GLT1D1: variants seen among roughly 807,000 people sequenced by gnomAD.
GLT1D1 encodes glycosyltransferase 1 domain containing 1.
Under a neutral mutation model 28.7 loss-of-function variants are expected in GLT1D1, and 21 were observed. That is an observed-to-expected ratio of 0.73 (90% CI 0.52 to 1.05). The LOEUF is 1.05. GLT1D1 is among the 50% of genes least tolerant of loss of function. The pLI is 0.00. For synonymous variants in GLT1D1, 147 were observed against 124.8 expected (o/e 1.18, Z -1.19); for missense variants, 343 against 330.6 (o/e 1.04, Z -0.29).
chr12:128,857,703 A>G (rs1956256855), intron 1 of GLT1D1, among the ~76,000 whole-genome samples: 1 of 152,206 alleles, frequency 6.6e-6, no homozygotes, highest in Non-Finnish European at 1.5e-5. Context: ...TTGGTGAAGG[A>G]GTTCCCCAAA....
intron 4 of GLT1D1, among the ~76,000 whole-genome samples, chr12:128,900,361 T>C (rs970017317): frequency 5.3e-5 from 8 of 152,220 alleles, no homozygotes; most frequent in African/African-American, 1.4e-4. Flanking sequence ...CTTTATGGAA[T>C]TGCAATTTGC....
At chr12:128,867,397 C>CAAAAAAAAAAAAAAAAA (rs1158997935) in intron 1 of GLT1D1, among the ~76,000 whole-genome samples, 1 of 59,304 alleles carries the variant, frequency 1.7e-5, no homozygotes, top group Non-Finnish European at 3.2e-5. Flanking sequence ...AACTCCTTCT[C>CAAAAAAAAAAAAAAAAA]AAAAAAAAAA....
intron 4 of GLT1D1, among the ~76,000 whole-genome samples, chr12:128,924,553 T>A (rs1195995948): frequency 6.6e-6 from 1 of 151,640 alleles, no homozygotes; most frequent in Admixed American, 6.6e-5. Flanking sequence ...GCCTCCCGGG[T>A]TCAAGTGATT....
intron 1 of GLT1D1, among the ~76,000 whole-genome samples, chr12:128,865,592 T>C (rs999333614): frequency 2.6e-5 from 4 of 152,058 alleles, no homozygotes; most frequent in African/African-American, 4.8e-5. Context: ...GGAGGCCGAA[T>C]TGGGCAGATC....
chr12:128,904,386 C>T (rs1030078839), intron 4 of GLT1D1, among the ~76,000 whole-genome samples: 3 of 151,614 alleles, frequency 2.0e-5, no homozygotes, highest in African/African-American at 7.3e-5. Context: ...GTTCATACAA[C>T]CTAACATTTT....
At chr12:128,929,346 A>G (rs1375713176) in intron 4 of GLT1D1, among the ~76,000 whole-genome samples, 3 of 152,232 alleles carry the variant, frequency 2.0e-5, no homozygotes, top group Non-Finnish European at 4.4e-5. Flanking sequence ...AAGAGCTTGC[A>G]CTGACTCCAA....
intron 6 of GLT1D1, among the ~76,000 whole-genome samples, chr12:128,956,002 A>T (rs922115043): frequency 6.6e-6 from 1 of 151,502 alleles, no homozygotes; most frequent in African/African-American, 2.4e-5. Flanking sequence ...TACTAAAAGT[A>T]CAAAAAATTA....
chr12:128,879,415 T>TTTCTTTCTTTCTTTCTTTCTTTCC (rs1956965952), intron 2 of GLT1D1, among the ~76,000 whole-genome samples: 1 of 100,668 alleles, frequency 9.9e-6, no homozygotes, highest in Admixed American at 1.1e-4. Flanking sequence ...TCTTTCTTTC[T>TTTCTTTCTTTCTTTCTTTCTTTCC]TTCTTTCTTT....
chr12:128,930,624 G>A (rs1392696684), intron 4 of GLT1D1, among the ~76,000 whole-genome samples: 1 of 152,174 alleles, frequency 6.6e-6, no homozygotes, highest in African/African-American at 2.4e-5. Flanking sequence ...ACACTGAACT[G>A]ACGATCATCT....
intron 4 of GLT1D1, among the ~76,000 whole-genome samples, chr12:128,929,337 A>G (rs1873622462): frequency 6.6e-6 from 1 of 152,244 alleles, no homozygotes; most frequent in Non-Finnish European, 1.5e-5. Flanking sequence ...CTCATGAGAA[A>G]GAGCTTGCAC....
intron 4 of GLT1D1, among the ~76,000 whole-genome samples, chr12:128,942,739 G>GTTTTTTTTTTTTTTTTTT (rs199567989): frequency 2.9e-5 from 3 of 102,520 alleles, no homozygotes; most frequent in Admixed American, 1.1e-4. Flanking sequence ...TTCTTTGTTT[G>GTTTTTTTTTTTTTTTTTT]TTTGTTTTTG....
chr12:128,890,659 C>A (rs906334619), intron 3 of GLT1D1, among the ~76,000 whole-genome samples: 1 of 151,504 alleles, frequency 6.6e-6, no homozygotes, highest in Non-Finnish European at 1.5e-5. Context: ...GTGGTGGGTA[C>A]CTGTAATTCC....
chr12:128,916,241 A>G (rs147237016), intron 4 of GLT1D1, among the ~76,000 whole-genome samples: 25 of 152,294 alleles, frequency 1.6e-4, no homozygotes, highest in African/African-American at 5.8e-4. Context: ...TTCATTCCAT[A>G]TATCACAAAT....
At chr12:128,947,307 T>C (rs1404983374) in intron 5 of GLT1D1, 31 bp from the exon 10 acceptor site, 1 of 1,613,030 alleles carries the variant, frequency 6.2e-7, no homozygotes, top group Non-Finnish European at 8.5e-7. Flanking sequence ...ATTCTTGGAA[T>C]CAGAGCCACT....
chr12:128,984,613 G>C lies in GLT1D1; in HGVS notation c.*1523G>C, dbSNP rs925113084. 2 of 152,066 alleles carry C rather than the reference G, an allele frequency of 1.3e-5. No individual in the cohort carries two copies. The highest frequency in any genetic ancestry group is 4.8e-5 in the African/African-American group (2 of 41,390). 9.4% of individuals were successfully genotyped at this position (152,066 alleles called of 1,614,324 possible). A position where few individuals can be genotyped will look rare whatever the true frequency, so the allele number is the denominator to read the frequency against. On this transcript the variant is annotated 3_prime_UTR_variant, in exon 8 of 8. Coordinates refer to ENST00000281703, the MANE Select transcript of GLT1D1 (RefSeq NM_144669.3). ...GCACCCCTTGTGTTTTCCCTCTGAG[G>C]GGCCCAAGGGTTATGGCTTTCATGT... is the stretch of plus-strand genomic sequence containing the variant.
chr12:128,927,320 C>G (rs1265519626), intron 4 of GLT1D1, among the ~76,000 whole-genome samples, 166 bp downstream of exon 8: 2 of 152,034 alleles, frequency 1.3e-5, no homozygotes, highest in Non-Finnish European at 2.9e-5. Flanking sequence ...CTCACTGCAA[C>G]CTCTACCTCC....
chr12:128,878,004 C>T (rs1468524456), intron 2 of GLT1D1, among the ~76,000 whole-genome samples: 1 of 152,216 alleles, frequency 6.6e-6, no homozygotes, highest in Non-Finnish European at 1.5e-5. Flanking sequence ...TGATGGCCAG[C>T]TTCTCCCTGA....
intron 4 of GLT1D1, among the ~76,000 whole-genome samples, chr12:128,912,182 C>T (rs989538793): frequency 6.6e-6 from 1 of 152,086 alleles, no homozygotes; most frequent in Non-Finnish European, 1.5e-5. Flanking sequence ...ATTTAAGAGA[C>T]TTTTTGTGTG....
chr12:128,888,440 C>G (rs1868642784), intron 2 of GLT1D1, among the ~76,000 whole-genome samples, 199 bp from the exon 3 acceptor site: 1 of 152,140 alleles, frequency 6.6e-6, no homozygotes, highest in Non-Finnish European at 1.5e-5. Flanking sequence ...GTTGGGGCCT[C>G]CCGTGATTCC....
Sources: allele counts gnomAD v4.1 joint callset (sites outside exome capture counted in the v4.1 genomes callset), GRCh38; gene constraint gnomAD v4.1.1; transcripts MANE v1.5; gene names NCBI Gene and HGNC (gene_info 2026-07-23, HGNC 2026-07-21).